INTS6L: variants seen among roughly 807,000 people sequenced by gnomAD.
INTS6L encodes the protein integrator complex subunit 6-like.
INTS6L carries 18 observed loss-of-function variants against 64.7 expected under a neutral mutation model. The observed-to-expected ratio is 0.28, with a 90% CI of 0.19 to 0.41. The LOEUF (loss-of-function observed/expected upper bound fraction) is 0.41. Among genes scored for constraint, INTS6L ranks in the 10% least tolerant of loss-of-function variants. The probability of loss-of-function intolerance (pLI) is 1.00; values close to 1 mark genes in which losing one functional copy is unlikely to be tolerated. For missense variants in INTS6L, 533 were observed against 661.0 expected (o/e 0.81, Z 2.12); for synonymous variants, 227 against 235.9 (o/e 0.96, Z 0.34).
At position 135,546,480 on chromosome X, in the gene INTS6L, A is replaced by T. The variant is rs564780283; in HGVS notation, c.429+11A>T. On this transcript the variant is annotated intron_variant, in intron 4 of 17. Coordinates refer to ENST00000639893, the MANE Select transcript of INTS6L (RefSeq NM_001351601.3). ...GGTGTTCAAGAAGAGGTGAGATTTT[A>T]TTTTTTTTTTAATTTTGTTTAAATG... 22 of 1,086,082 alleles carry T rather than the reference A, an allele frequency of 2.0e-5. No homozygotes were observed. Among genetic ancestry groups the T allele is most frequent in the African/African-American group, 1.4e-4 (7 of 51,630 alleles). 89.5% of individuals were successfully genotyped at this position (1,086,082 alleles called of 1,213,427 possible).
intron 15 of INTS6L, among the ~76,000 whole-genome samples, chrX:135,577,937 T>C (rs974152467): frequency 8.9e-6 from 1 of 112,321 alleles, no homozygotes; most frequent in African/African-American, 3.2e-5. Flanking sequence ...TCAAGGTCAC[T>C]AGTGTGTGCA....
At chrX:135,534,689 T>A (rs1266294805) in intron 2 of INTS6L, among the ~76,000 whole-genome samples, 4 of 106,169 alleles carry the variant, frequency 3.8e-5, no homozygotes, top group Non-Finnish European at 7.8e-5. Flanking sequence ...TTTCTTTTTT[T>A]TTTTTTTTTT....
chrX:135,525,221 G>T (rs1398285063), intron 2 of INTS6L, among the ~76,000 whole-genome samples: 1 of 112,127 alleles, frequency 8.9e-6, no homozygotes, highest in Non-Finnish European at 1.9e-5. Flanking sequence ...GAAGAGGCAG[G>T]CTTGTCACTA....
At chrX:135,547,027 T>C in intron 5 of INTS6L, 110 bp from the exon 6 acceptor site, 1 of 1,118,568 alleles carries the variant, frequency 8.9e-7, no homozygotes, top group Admixed American at 2.7e-5. Flanking sequence ...GTATATTTGC[T>C]GCCAATGTAG....
chrX:135,552,074 C>T lies in INTS6L; in HGVS notation c.987C>T (p.Asp329=). 1 of 1,209,284 alleles carries T rather than the reference C, an allele frequency of 8.3e-7. No individual in the cohort carries two copies. Among genetic ancestry groups the T allele is most frequent in the Non-Finnish European group, 1.1e-6 (1 of 894,634 alleles). Residue 329 remains aspartate, a synonymous_variant, in exon 8 of 18, where the codon GAC becomes GAT. Transcript: ENST00000639893. ...TGGTAATAGACAAACTTCCTTTTGA[C>T]AAATATGAACTTGAACCTTCGCCCT... is the stretch of plus-strand genomic sequence containing the variant. The part of the protein sequence containing the change: ...EPMVIDKLPF[D]KYELEPSPLT...
intron 9 of INTS6L, among the ~76,000 whole-genome samples, chrX:135,564,397 A>G (rs1249521306): frequency 2.7e-5 from 3 of 110,456 alleles, no homozygotes; most frequent in African/African-American, 9.9e-5. Flanking sequence ...TAACATCTCT[A>G]TTATCTTGGT....
chrX:135,562,392 A>G (rs1251517879), intron 9 of INTS6L, among the ~76,000 whole-genome samples: 1 of 112,288 alleles, frequency 8.9e-6, no homozygotes, highest in Non-Finnish European at 1.9e-5. Flanking sequence ...ACTCTTATAA[A>G]TATGTTGCCA....
At chrX:135,538,631 C>T (rs1252177749) in intron 2 of INTS6L, among the ~76,000 whole-genome samples, 1 of 112,310 alleles carries the variant, frequency 8.9e-6, no homozygotes, top group East Asian at 2.8e-4. Flanking sequence ...TCAACTTTTC[C>T]CAGACGCATC....
At chrX:135,521,814 C>T (rs1204147010) in intron 2 of INTS6L, among the ~76,000 whole-genome samples, 1 of 108,918 alleles carries the variant, frequency 9.2e-6, no homozygotes, top group Non-Finnish European at 1.9e-5. Flanking sequence ...GCCGGGCGCG[C>T]GGGCTTTCCC....
In INTS6L at chrX:135,549,679, T is replaced by G; in HGVS notation, c.780T>G (p.Phe260Leu). 8.3e-7 allele frequency: 1 copy of G among 1,212,011 alleles called. No individual in the cohort carries two copies. Among genetic ancestry groups the G allele is most frequent in the Non-Finnish European group, 1.1e-6 (1 of 895,450 alleles). The change falls in exon 7 of 18, where the codon TTT becomes TTG. Residue 260 changes from phenylalanine to leucine, a missense_variant. Physicochemically the swap from Phe to Leu is conservative, Grantham distance 22 (BLOSUM62 0). Coordinates refer to ENST00000639893, the MANE Select transcript of INTS6L (RefSeq NM_001351601.3). ...LMDSSRPSNSFAAQPWHSCHK... is the reference protein window; with the variant it reads ...LMDSSRPSNSLAAQPWHSCHK... The stretch of plus-strand genomic sequence containing the variant: ...ATTCATCCAGGCCAAGCAATTCATT[T>G]GCTGCTCAGCCATGGCATAGTTGTC...
intron 9 of INTS6L, among the ~76,000 whole-genome samples, chrX:135,556,656 C>G (rs1439564123): frequency 5.4e-5 from 6 of 111,573 alleles, no homozygotes; most frequent in Non-Finnish European, 9.4e-5. Flanking sequence ...CTTGTTTCCC[C>G]TCAGAAGATA....
At chrX:135,569,244 A>G (rs1256365964) in intron 9 of INTS6L, 93 bp from the exon 10 acceptor site, 2 of 480,267 alleles carry the variant, frequency 4.2e-6, no homozygotes, top group African/African-American at 4.9e-5. Context: ...ATTTTCATCT[A>G]CATTAAAAGC....
At chrX:135,526,712 T>C (rs1371301311) in intron 2 of INTS6L, among the ~76,000 whole-genome samples, 1 of 111,816 alleles carries the variant, frequency 8.9e-6, no homozygotes, top group African/African-American at 3.3e-5. Context: ...ATGTGAGCTC[T>C]TGAAGGGCAA....
chrX:135,531,226 C>G (rs2085899635), intron 2 of INTS6L, among the ~76,000 whole-genome samples: 1 of 112,512 alleles, frequency 8.9e-6, no homozygotes, highest in Non-Finnish European at 1.9e-5. Context: ...AGAAACTTAT[C>G]ACTTCCTATA....
At chrX:135,553,575 C>T (rs973965706) in intron 8 of INTS6L, among the ~76,000 whole-genome samples, 24 of 107,029 alleles carry the variant, frequency 2.2e-4, no homozygotes, top group Admixed American at 2.0e-3. Flanking sequence ...CCTCCCACCT[C>T]GGCTTCCCAG....
At position 135,581,065 on chromosome X, in the gene INTS6L, T is replaced by C; in HGVS notation, c.2510T>C (p.Phe837Ser). The C allele has an allele frequency of 2.6e-6, 3 of 1,171,597 alleles. No individual in the cohort carries two copies. Among genetic ancestry groups the C allele is most frequent in the Non-Finnish European group, 3.4e-6 (3 of 879,500 alleles). Residue 837 changes from phenylalanine to serine, a missense_variant, in exon 17 of 18, where the codon TTC becomes TCC. By Grantham distance (155) the Phe-to-Ser change is radical. Coordinates refer to ENST00000639893, the MANE Select transcript of INTS6L (RefSeq NM_001351601.3). The part of the protein sequence containing the change: ...RKFGRKYERI[F>S]ILLEEVQGPL... ...ATATCTTCAGAATATGAAAGAATTT[T>C]CATTTTGCTTGAAGAAGTGCAAGGA...
intron 15 of INTS6L, 123 bp from the exon 16 acceptor site, chrX:135,579,665 C>T: frequency 1.0e-6 from 1 of 993,835 alleles, no homozygotes; most frequent in Non-Finnish European, 1.3e-6. Flanking sequence ...TCTCAGATCG[C>T]CACCTGGTAT....
At chrX:135,528,604 C>CTA (rs1556502651) in intron 2 of INTS6L, among the ~76,000 whole-genome samples, 1 of 111,550 alleles carries the variant, frequency 9.0e-6, no homozygotes, top group Admixed American at 9.5e-5. Context: ...TGAAAGGTGG[C>CTA]TAGTCTGTCA....
chrX:135,533,701 C>CA (rs1445153330), intron 2 of INTS6L, among the ~76,000 whole-genome samples: 1 of 111,782 alleles, frequency 8.9e-6, no homozygotes, highest in Admixed American at 9.5e-5. Flanking sequence ...TCTGCTATCT[C>CA]ATATGTTCAA....
Sources: gnomAD v4.1 joint callset for allele counts (sites outside exome capture counted in the v4.1 genomes callset) on GRCh38, gnomAD v4.1.1 for gene constraint, MANE v1.5 for transcripts, NCBI Gene and HGNC (gene_info 2026-07-23, HGNC 2026-07-21) for gene names.